Variants in PTPRK observed in about 807,000 individuals in gnomAD.
The protein encoded by PTPRK is protein tyrosine phosphatase receptor type K.
In PTPRK, 75 loss-of-function variants were observed where a neutral mutation model predicts 178.0. The observed-to-expected ratio is 0.42, with a 90% CI of 0.35 to 0.51. PTPRK has a LOEUF of 0.51. PTPRK is among the 20% of genes least tolerant of loss of function. PTPRK has a pLI of 0.02. For missense variants in PTPRK, 1,441 were observed against 1,797.8 expected (o/e 0.80, Z 3.59); for synonymous variants, 637 against 620.6 (o/e 1.03, Z -0.39).
At chr6:128,496,282 C>G (rs778800726) in intron 1 of PTPRK, among the ~76,000 whole-genome samples, 1 of 152,102 alleles carries the variant, frequency 6.6e-6, no homozygotes, top group Non-Finnish European at 1.5e-5. Context: ...AAAACATTTC[C>G]CTAAATCTTA....
Position 128,462,226 on chromosome 6 carries a change from A to C in PTPRK, c.100+58033T>G. On this transcript the variant is annotated intron_variant, in intron 1 of 29. Coordinates refer to ENST00000368226, the MANE Select transcript of PTPRK (RefSeq NM_002844.4). ...GTCTTAAGAGAGTTAGTAGAAAAAA[A>C]TCAATAAAAGACTCTAGAGCAGCAT... is the stretch of plus-strand genomic sequence containing the variant. Among the ~76,000 whole-genome samples, 2 of 152,190 alleles carry C rather than the reference A, an allele frequency of 1.3e-5. 1 individual carries two copies. The highest frequency in any genetic ancestry group is 2.9e-5 in the Non-Finnish European group (2 of 68,030).
At position 128,223,735 on chromosome 6, in the gene PTPRK, T is replaced by C. The variant is rs1267338639; in HGVS notation, c.694-4639A>G. Reference sequence around the variant, plus strand: ...GTGGCTTCTCTCTCTTATGAACTTTTCTGATACAGTCATATCCAATTAAAG... The same window carrying C: ...GTGGCTTCTCTCTCTTATGAACTTTCCTGATACAGTCATATCCAATTAAAG... On this transcript the variant is annotated intron_variant, in intron 5 of 29. Transcript: ENST00000368226. 2.0e-5 allele frequency among the ~76,000 whole-genome samples: 3 copies of C among 152,194 alleles called. No homozygotes were observed. The East Asian group carries it at 5.8e-4, about 29-fold the overall frequency.
intron 16 of PTPRK, 46 bp downstream of exon 16, chr6:127,998,674 A>G (rs747206568): frequency 6.8e-7 from 1 of 1,468,050 alleles, no homozygotes; most frequent in Non-Finnish European, 9.2e-7. Context: ...TCCACTGAGT[A>G]TCATAGTTAA....
chr6:128,239,466 T>C (rs1001710443), intron 5 of PTPRK, among the ~76,000 whole-genome samples: 1 of 152,174 alleles, frequency 6.6e-6, no homozygotes, highest in African/African-American at 2.4e-5. Flanking sequence ...ATATGCACCA[T>C]TTACAGTTCC....
intron 11 of PTPRK, among the ~76,000 whole-genome samples, chr6:128,068,908 G>GA (rs1782307307): frequency 6.6e-6 from 1 of 150,788 alleles, no homozygotes; most frequent in Admixed American, 6.6e-5. Flanking sequence ...AGACTTCCAT[G>GA]AAAAAGAAAG....
chr6:128,162,135 G>A (rs944176772), intron 7 of PTPRK, among the ~76,000 whole-genome samples: 4 of 151,598 alleles, frequency 2.6e-5, no homozygotes, highest in Non-Finnish European at 4.4e-5. Flanking sequence ...ACAACCTAAT[G>A]AGGATACTAG....
At chr6:128,153,107 A>G (rs1018345443) in intron 7 of PTPRK, among the ~76,000 whole-genome samples, 2 of 152,170 alleles carry the variant, frequency 1.3e-5, no homozygotes. Context: ...GTTGAACAAA[A>G]ATGTGTTTGG....
At chr6:128,340,876 T>A in intron 2 of PTPRK, 1 of 392,890 alleles carries the variant, frequency 2.5e-6, no homozygotes, top group Admixed American at 3.4e-5. Flanking sequence ...ATATTAACTT[T>A]TAGCCACTGA....
chr6:128,458,097 T>A (rs1848607632), intron 1 of PTPRK, among the ~76,000 whole-genome samples: 3 of 152,188 alleles, frequency 2.0e-5, no homozygotes, highest in African/African-American at 7.2e-5. Context: ...GTCAACACTA[T>A]GGTCTCCATA....
chr6:128,320,048 T>C (rs1562276777), intron 3 of PTPRK, among the ~76,000 whole-genome samples: 1 of 152,186 alleles, frequency 6.6e-6, no homozygotes, highest in South Asian at 2.1e-4. Flanking sequence ...CATTTACCCA[T>C]AGGTTCCATG....
chr6:128,353,836 C>T (rs1475057013), intron 2 of PTPRK, among the ~76,000 whole-genome samples: 1 of 152,076 alleles, frequency 6.6e-6, no homozygotes, highest in Non-Finnish European at 1.5e-5. Context: ...CATGATAAAA[C>T]TGGAAATAAC....
intron 2 of PTPRK, among the ~76,000 whole-genome samples, chr6:128,326,524 TAAG>T (rs1829590715): frequency 1.3e-5 from 2 of 152,108 alleles, no homozygotes; most frequent in Non-Finnish European, 2.9e-5. Flanking sequence ...ATGCAGTCAT[TAAG>T]AATAATATTA....
chr6:128,159,535 A>T (rs972011734), intron 7 of PTPRK, among the ~76,000 whole-genome samples: 1 of 151,838 alleles, frequency 6.6e-6, no homozygotes, highest in East Asian at 1.9e-4. Context: ...TTTTATATTT[A>T]AAGTATGAAA....
At chr6:128,272,253 C>A (rs1405015766) in intron 3 of PTPRK, among the ~76,000 whole-genome samples, 1 of 152,094 alleles carries the variant, frequency 6.6e-6, no homozygotes, top group Non-Finnish European at 1.5e-5. Flanking sequence ...ACCATAAAAA[C>A]CCTAGAAGAA....
At chr6:128,225,797 G>A (rs551261502) in intron 5 of PTPRK, among the ~76,000 whole-genome samples, 10 of 151,818 alleles carry the variant, frequency 6.6e-5, no homozygotes, top group South Asian at 4.1e-4. Context: ...AAAAAAATAT[G>A]CTGAAATGAC....
intron 3 of PTPRK, among the ~76,000 whole-genome samples, chr6:128,304,683 C>T (rs2128313544): frequency 6.6e-6 from 1 of 152,262 alleles, no homozygotes; most frequent in South Asian, 2.1e-4. Flanking sequence ...TAAAGAAATG[C>T]AACTTTGCAC....
intron 1 of PTPRK, among the ~76,000 whole-genome samples, chr6:128,437,004 T>C (rs1345106032): frequency 6.6e-6 from 1 of 152,188 alleles, no homozygotes; most frequent in South Asian, 2.1e-4. Context: ...TAATTTATGA[T>C]GGTTAAGTAT....
chr6:128,252,980 C>T (rs1181832593), intron 3 of PTPRK, among the ~76,000 whole-genome samples: 1 of 152,114 alleles, frequency 6.6e-6, no homozygotes, highest in Non-Finnish European at 1.5e-5. Context: ...ATTCCTTTTA[C>T]AGTTCAATTC....
intron 7 of PTPRK, among the ~76,000 whole-genome samples, chr6:128,096,436 T>C (rs187536238): frequency 6.6e-6 from 1 of 152,280 alleles, no homozygotes; most frequent in East Asian, 1.9e-4. Context: ...CAGGTCAATA[T>C]CCCTGTCTTT....
Sources: allele counts gnomAD v4.1 joint callset (sites outside exome capture counted in the v4.1 genomes callset), GRCh38; gene constraint gnomAD v4.1.1; transcripts MANE v1.5; gene names NCBI Gene and HGNC (gene_info 2026-07-23, HGNC 2026-07-21).